CARMIL1: variants seen among roughly 807,000 people sequenced by gnomAD.
CARMIL1 encodes the protein F-actin-uncapping protein LRRC16A.
In CARMIL1, 90 loss-of-function variants were observed where a neutral mutation model predicts 177.1. The ratio of observed to expected loss-of-function variants is 0.51; its 90% CI spans 0.43 to 0.61. The LOEUF (loss-of-function observed/expected upper bound fraction) is 0.61, where lower values mean the gene tolerates loss of function less well. CARMIL1 is among the 20% of genes least tolerant of loss of function. The probability of loss-of-function intolerance (pLI) is 0.00; values close to 1 mark genes in which losing one functional copy is unlikely to be tolerated. For missense variants in CARMIL1, 1,380 were observed against 1,667.0 expected (o/e 0.83, Z 3.00); for synonymous variants, 577 against 606.2 (o/e 0.95, Z 0.71).
chr6:25,431,768 C>T (rs556764855), intron 4 of CARMIL1, among the ~76,000 whole-genome samples: 25 of 152,192 alleles, frequency 1.6e-4, no homozygotes, highest in Non-Finnish European at 3.4e-4. Context: ...TTTCAATATG[C>T]GTACCATTCA....
chr6:25,357,047 G>T lies in CARMIL1; in HGVS notation c.139-63067G>T, dbSNP rs575214474. Reference sequence around the variant, plus strand: ...TAACTATTGGGGTAGGATGGAGACTGTGTTCTGAGGCTCAGCAGAAGTCAT... The same window carrying T: ...TAACTATTGGGGTAGGATGGAGACTTTGTTCTGAGGCTCAGCAGAAGTCAT... On this transcript the variant is annotated intron_variant, in intron 2 of 36. Coordinates refer to ENST00000329474, the MANE Select transcript of CARMIL1 (RefSeq NM_017640.6). Among the ~76,000 whole-genome samples, 110 of 148,952 alleles carry T rather than the reference G, an allele frequency of 7.4e-4. 1 individual carries two copies. Among genetic ancestry groups the T allele is most frequent in the African/African-American group, 2.6e-3 (104 of 40,498 alleles).
intron 11 of CARMIL1, chr6:25,479,263 T>C (rs1357952931): frequency 1.9e-6 from 1 of 518,746 alleles, no homozygotes; most frequent in Non-Finnish European, 3.8e-6. Flanking sequence ...GCCTGTTCTT[T>C]GCCTATGTAC....
chr6:25,459,706 C>T (rs532804855), intron 8 of CARMIL1, among the ~76,000 whole-genome samples: 3 of 152,268 alleles, frequency 2.0e-5, no homozygotes, highest in South Asian at 2.1e-4. Flanking sequence ...GATTGTGCCA[C>T]GTGGCTCTAA....
chr6:25,586,396 G>A (rs1031591877), intron 31 of CARMIL1, among the ~76,000 whole-genome samples: 1 of 147,370 alleles, frequency 6.8e-6, no homozygotes, highest in African/African-American at 2.6e-5. Flanking sequence ...CTCAGACAAT[G>A]GGCGGCCAGG....
At chr6:25,451,986 G>GCCACCCCCCC in intron 8 of CARMIL1, 1 of 112,672 alleles carries the variant, frequency 8.9e-6, no homozygotes, top group South Asian at 7.1e-5. Flanking sequence ...CTAGCATCTT[G>GCCACCCCCCC]CCCCCCCCTC....
chr6:25,569,644 G>A (rs555986860), intron 29 of CARMIL1, among the ~76,000 whole-genome samples: 2 of 152,220 alleles, frequency 1.3e-5, no homozygotes, highest in Admixed American at 6.5e-5. Flanking sequence ...ACTAATTTTT[G>A]TCATCATTAT....
intron 2 of CARMIL1, among the ~76,000 whole-genome samples, chr6:25,354,518 G>A (rs1353870147): frequency 6.6e-6 from 1 of 151,810 alleles, no homozygotes; most frequent in Non-Finnish European, 1.5e-5. Context: ...CCATGAGAGA[G>A]GATTGCCCCT....
At chr6:25,338,514 G>A (rs908525610) in intron 2 of CARMIL1, among the ~76,000 whole-genome samples, 5 of 147,444 alleles carry the variant, frequency 3.4e-5, no homozygotes, top group Non-Finnish European at 6.0e-5. Context: ...TGTCCTAGTA[G>A]TTCTTTTATA....
At chr6:25,300,211 T>C (rs1028517947) in intron 2 of CARMIL1, among the ~76,000 whole-genome samples, 1 of 152,228 alleles carries the variant, frequency 6.6e-6, no homozygotes, top group African/African-American at 2.4e-5. Context: ...AAATGCTTAT[T>C]TTTGAAATAT....
At chr6:25,360,892 C>A (rs73383424) in intron 2 of CARMIL1, among the ~76,000 whole-genome samples, 16,186 of 152,184 alleles carry the variant, frequency 0.11, 1,087 homozygotes, top group African/African-American at 0.19. Context: ...TTACATAGCA[C>A]CCTTCAAGAA....
In CARMIL1 at chr6:25,437,224, T is replaced by C. The variant is rs147812073; in HGVS notation, c.371+1620T>C. On this transcript the variant is annotated intron_variant, in intron 5 of 36. Coordinates refer to ENST00000329474, the MANE Select transcript of CARMIL1 (RefSeq NM_017640.6). ...AATTAATACTGATGAAATAAAAAAATTATTAAGCACCGCCTTACTTGGCAA... is the reference window on the plus strand; with the variant it reads ...AATTAATACTGATGAAATAAAAAAACTATTAAGCACCGCCTTACTTGGCAA... 1.2e-3 allele frequency among the ~76,000 whole-genome samples: 185 copies of C among 152,296 alleles called. 1 individual carries two copies. Among genetic ancestry groups the C allele is most frequent in the Middle Eastern group, 6.8e-3 (2 of 294 alleles).
intron 29 of CARMIL1, chr6:25,563,829 T>C: frequency 1.0e-6 from 1 of 985,396 alleles, no homozygotes; most frequent in Non-Finnish European, 1.2e-6. Flanking sequence ...GCTTGGATGC[T>C]GGAAGCTATG....
intron 2 of CARMIL1, among the ~76,000 whole-genome samples, chr6:25,344,308 C>T (rs566589868): frequency 1.3e-5 from 2 of 152,250 alleles, no homozygotes; most frequent in South Asian, 2.1e-4. Flanking sequence ...ACACTCACCC[C>T]ATGTCCTCAC....
At chr6:25,602,765 A>G (rs1330237889) in intron 33 of CARMIL1, among the ~76,000 whole-genome samples, 2 of 152,170 alleles carry the variant, frequency 1.3e-5, no homozygotes, top group Admixed American at 1.3e-4. Flanking sequence ...TGATCAATAT[A>G]CTGTTGATAA....
intron 2 of CARMIL1, among the ~76,000 whole-genome samples, chr6:25,311,546 A>G (rs943891591): frequency 2.1e-4 from 32 of 152,002 alleles, no homozygotes; most frequent in African/African-American, 7.2e-4. Context: ...AGAGCGGGGG[A>G]AAAAAAGAGC....
chr6:25,488,369 A>C, intron 12 of CARMIL1, 113 bp from the exon 13 acceptor site: 2 of 800,534 alleles, frequency 2.5e-6, no homozygotes, highest in Non-Finnish European at 2.2e-6. Flanking sequence ...GACAGTGCTC[A>C]TGGTTAACCT....
intron 2 of CARMIL1, among the ~76,000 whole-genome samples, chr6:25,384,851 C>T (rs1415901696): frequency 6.6e-6 from 1 of 152,068 alleles, no homozygotes; most frequent in Non-Finnish European, 1.5e-5. Flanking sequence ...TTATTTTTTC[C>T]TCTCGGCAAG....
chr6:25,490,164 A>G (rs2150992748), intron 13 of CARMIL1, among the ~76,000 whole-genome samples: 1 of 152,128 alleles, frequency 6.6e-6, no homozygotes, highest in South Asian at 2.1e-4. Context: ...AGTTTACCTG[A>G]CCCTGTGCCC....
intron 1 of CARMIL1, among the ~76,000 whole-genome samples, chr6:25,283,956 G>T (rs1781335141): frequency 6.6e-6 from 1 of 151,994 alleles, no homozygotes. Flanking sequence ...GGCCTCAAGC[G>T]ATCCACCTTC....
Sources: gnomAD v4.1 joint callset for allele counts (sites outside exome capture counted in the v4.1 genomes callset) on GRCh38, gnomAD v4.1.1 for gene constraint, MANE v1.5 for transcripts, NCBI Gene and HGNC (gene_info 2026-07-23, HGNC 2026-07-21) for gene names.